GPR89B: variants seen among roughly 807,000 people sequenced by gnomAD.
GPR89B encodes G protein-coupled receptor 89B.
Under a neutral mutation model 52.4 loss-of-function variants are expected in GPR89B, and 25 were observed. The ratio of observed to expected loss-of-function variants is 0.48; its 90% confidence interval spans 0.35 to 0.67. The LOEUF is 0.67. Ranked by LOEUF, GPR89B falls within the 30% of genes least tolerant of loss-of-function variation. The pLI is 0.01. For synonymous variants in GPR89B, 52 were observed against 151.2 expected (o/e 0.34, Z 4.81); for missense variants, 146 against 450.2 (o/e 0.32, Z 6.11).
rs1160907128 is a variant in GPR89B at position 147,980,736 on chromosome 1, G to A, written c.910-5463G>A. ...TGGGAGGCTGAGGCAGGAGAATGGC[G>A]TGAACCCGGGAGGCGGAGCTTGCAG... On this transcript the variant is annotated intron_variant, in intron 10 of 13. Transcript: ENST00000314163. Among the ~76,000 whole-genome samples, 9 of 143,984 alleles carry A rather than the reference G, an allele frequency of 6.3e-5. No individual in the cohort carries two copies. In the South Asian group the frequency reaches 6.6e-4, roughly 11 times the overall value. 94.5% of individuals were successfully genotyped at this position (143,984 alleles called of 152,430 possible).
the GPR89B span, among the ~76,000 whole-genome samples, chr1:148,000,795 ACAAC>A: frequency 6.2e-5 from 8 of 128,374 alleles, no homozygotes; most frequent in South Asian, 2.4e-4. Context: ...AAAAAAAAAA[ACAAC>A]AACAAAAAAA....
intron 5 of GPR89B, among the ~76,000 whole-genome samples, chr1:147,949,563 C>G (rs1277741490): frequency 1.7e-5 from 2 of 120,306 alleles, no homozygotes; most frequent in African/African-American, 3.5e-5. Flanking sequence ...GGCGGCTGGC[C>G]GGGCGGGGGG....
the GPR89B span, among the ~76,000 whole-genome samples, chr1:148,006,010 T>G: frequency 6.6e-6 from 1 of 150,924 alleles, no homozygotes. Flanking sequence ...GGTAAAGACT[T>G]TTCTCCCAAT....
intron 11 of GPR89B, among the ~76,000 whole-genome samples, chr1:147,988,057 T>C (rs1658794154): frequency 2.0e-5 from 3 of 152,174 alleles, no homozygotes; most frequent in Admixed American, 1.3e-4. Context: ...TTTTTATCAC[T>C]GCTTGGTACT....
At chr1:147,938,169 G>A (rs1445891964) in intron 2 of GPR89B, among the ~76,000 whole-genome samples, 8 of 152,072 alleles carry the variant, frequency 5.3e-5, no homozygotes, top group Non-Finnish European at 8.8e-5. Flanking sequence ...CCCTAGACTC[G>A]ACATTTCCTA....
At chr1:147,943,792 C>T (rs1352634003) in intron 4 of GPR89B, among the ~76,000 whole-genome samples, 3 of 152,152 alleles carry the variant, frequency 2.0e-5, no homozygotes, top group African/African-American at 7.2e-5. Context: ...AATAATGTCT[C>T]CGTTAGTTCA....
At chr1:147,931,917 T>G (rs1653660554) in intron 1 of GPR89B, among the ~76,000 whole-genome samples, 2 of 152,168 alleles carry the variant, frequency 1.3e-5, no homozygotes, top group African/African-American at 4.8e-5. Flanking sequence ...GACATAATTT[T>G]GTTCTGAAAG....
rs374601498 is a variant in GPR89B at position 147,952,751 on chromosome 1, C to T, written c.416-594C>T. 4.5e-4 allele frequency among the ~76,000 whole-genome samples: 69 copies of T among 151,740 alleles called. 1 individual carries two copies. The highest frequency in any genetic ancestry group is 1.6e-3 in the African/African-American group (67 of 41,242). On this transcript the variant is annotated intron_variant, in intron 5 of 13. Transcript: ENST00000314163. Reference sequence around the variant, plus strand: ...GCTAAGTTGATTTTCAGCATTCTCACGTGATATGAAACAATTGATAATTAG... The same window carrying T: ...GCTAAGTTGATTTTCAGCATTCTCATGTGATATGAAACAATTGATAATTAG...
At chr1:147,977,262 A>AC (rs1657911469) in intron 10 of GPR89B, among the ~76,000 whole-genome samples, 3 of 133,600 alleles carry the variant, frequency 2.2e-5, no homozygotes, top group East Asian at 2.2e-4. Context: ...AAAAAAAAAA[A>AC]CAGAATGTTG....
At chr1:148,018,487 G>A in the GPR89B span, among the ~76,000 whole-genome samples, 1 of 150,230 alleles carries the variant, frequency 6.7e-6, no homozygotes, top group Admixed American at 6.6e-5. Context: ...CAAAAACACA[G>A]AAATCATACA....
At position 147,943,599 on chromosome 1, in the gene GPR89B, A is replaced by G. The variant is rs181655563; in HGVS notation, c.313+55A>G. The G allele has an allele frequency of 8.7e-5, 138 of 1,581,760 alleles. No individual in the cohort carries two copies. In the African/African-American group the frequency reaches 1.8e-3, roughly 21 times the overall value. Reference sequence around the variant, plus strand: ...TAGATTGAGATGAGTATTTGAGGGGACTTAAATTGTGGATAGCTTCATTTC... The same window carrying G: ...TAGATTGAGATGAGTATTTGAGGGGGCTTAAATTGTGGATAGCTTCATTTC... On this transcript the variant is annotated intron_variant, in intron 4 of 13. Transcript: ENST00000314163.
intron 1 of GPR89B, among the ~76,000 whole-genome samples, chr1:147,932,602 AC>A (rs1553247219): frequency 6.6e-6 from 1 of 152,160 alleles, no homozygotes; most frequent in Admixed American, 6.5e-5. Context: ...TTAGCAGATA[AC>A]CATGCCTCGT....
chr1:148,007,162 G>A, the GPR89B span, among the ~76,000 whole-genome samples: 19 of 123,888 alleles, frequency 1.5e-4, no homozygotes, highest in African/African-American at 3.3e-5. Flanking sequence ...TGCAACCTCC[G>A]CCTCCCGGGT....
intron 5 of GPR89B, among the ~76,000 whole-genome samples, chr1:147,949,916 G>T (rs1553250651): frequency 7.3e-6 from 1 of 137,146 alleles, no homozygotes; most frequent in African/African-American, 2.9e-5. Flanking sequence ...CGGCTGGCCG[G>T]GCGGGGGGCT....
the GPR89B span, among the ~76,000 whole-genome samples, chr1:148,008,640 G>A: frequency 2.0e-5 from 3 of 152,110 alleles, no homozygotes; most frequent in Non-Finnish European, 4.4e-5. Context: ...CCAGAGCCAC[G>A]GTCAACTGAA....
the GPR89B span, chr1:148,022,037 G>A: frequency 6.7e-6 from 1 of 149,590 alleles, no homozygotes; most frequent in African/African-American, 2.5e-5. Flanking sequence ...GGAGAGAGAC[G>A]CAAGAGCAGA....
At chr1:147,936,497 G>A in intron 1 of GPR89B, 130 bp from the exon 2 acceptor site, 3 of 694,534 alleles carry the variant, frequency 4.3e-6, no homozygotes, top group Admixed American at 2.6e-5. Context: ...TCTTATAAGA[G>A]TGGATCTTAT....
chr1:148,004,416 C>T, the GPR89B span, among the ~76,000 whole-genome samples: 92 of 149,688 alleles, frequency 6.1e-4, no homozygotes, highest in African/African-American at 2.2e-3. Context: ...CCACCCGCCT[C>T]GGCCTCCCAA....
At chr1:147,943,832 C>G (rs2149044765) in intron 4 of GPR89B, 165 bp from the exon 5 acceptor site, 3 of 874,406 alleles carry the variant, frequency 3.4e-6, no homozygotes, top group Middle Eastern at 3.6e-4. Context: ...CTAAATTTCT[C>G]TTACGATGGT....
Sources: allele counts gnomAD v4.1 joint callset (sites outside exome capture counted in the v4.1 genomes callset), GRCh38; gene constraint gnomAD v4.1.1; transcripts MANE v1.5; gene names NCBI Gene and HGNC (gene_info 2026-07-23, HGNC 2026-07-21).